The following EGFR variants were observed in gnomAD, a reference collection of about 807,000 sequenced individuals.
The protein encoded by EGFR is epidermal growth factor receptor, also known as avian erythroblastic leukemia viral (v-erb-b) oncogene homolog.
EGFR carries 58 observed loss-of-function variants against 143.0 expected under a neutral mutation model. That is an observed-to-expected ratio of 0.41 (90% CI 0.33 to 0.50). The LOEUF (loss-of-function observed/expected upper bound fraction) is 0.50, where lower values mean the gene tolerates loss of function less well. Among genes scored for constraint, EGFR ranks in the 20% least tolerant of loss-of-function variants. EGFR has a pLI of 0.39. For missense variants in EGFR, 1,307 were observed against 1,579.0 expected (o/e 0.83, Z 2.92); for synonymous variants, 613 against 594.4 (o/e 1.03, Z -0.45).
intron 1 of EGFR, among the ~76,000 whole-genome samples, chr7:55,034,021 T>C (rs1787416818): frequency 6.6e-6 from 1 of 152,158 alleles, no homozygotes; most frequent in Admixed American, 6.5e-5. Context: ...CCATCATCAC[T>C]AAAGCAGACA....
chr7:55,185,628 G>A (rs147958680), intron 20 of EGFR, among the ~76,000 whole-genome samples: 49 of 152,348 alleles, frequency 3.2e-4, no homozygotes, highest in Non-Finnish European at 5.6e-4. Flanking sequence ...ACCTAATGCA[G>A]ATTACAGTCT....
At chr7:55,093,648 C>T (rs1292554865) in intron 1 of EGFR, among the ~76,000 whole-genome samples, 1 of 152,160 alleles carries the variant, frequency 6.6e-6, no homozygotes, top group Non-Finnish European at 1.5e-5. Flanking sequence ...CTGTAAATAA[C>T]AAGGAAGTCA....
At chr7:55,145,791 G>C (rs1276111324) in intron 3 of EGFR, among the ~76,000 whole-genome samples, 2 of 152,212 alleles carry the variant, frequency 1.3e-5, no homozygotes, top group Admixed American at 6.5e-5. Context: ...CACTGTGTCA[G>C]GGTCTCCCTG....
chr7:55,191,479 C>T (rs1216719423), intron 20 of EGFR, among the ~76,000 whole-genome samples: 3 of 152,176 alleles, frequency 2.0e-5, no homozygotes, highest in Non-Finnish European at 2.9e-5. Flanking sequence ...TCCTCATATA[C>T]GAGCACCTCT....
chr7:55,153,797 C>G (rs1329010589), intron 6 of EGFR, among the ~76,000 whole-genome samples: 1 of 152,130 alleles, frequency 6.6e-6, no homozygotes, highest in Non-Finnish European at 1.5e-5. Flanking sequence ...ATAGGTGGGA[C>G]AGTGCACCTA....
chr7:55,098,944 G>A (rs1018722155), intron 1 of EGFR, among the ~76,000 whole-genome samples: 2 of 152,226 alleles, frequency 1.3e-5, no homozygotes, highest in Non-Finnish European at 2.9e-5. Flanking sequence ...TGGGGAGTCA[G>A]ACAGGAGCCT....
chr7:55,192,556 G>C (rs149029361), intron 21 of EGFR, among the ~76,000 whole-genome samples: 29 of 152,330 alleles, frequency 1.9e-4, no homozygotes, highest in Middle Eastern at 3.4e-3. Context: ...GGGACACAGA[G>C]GGTGCTCAGA....
intron 1 of EGFR, among the ~76,000 whole-genome samples, chr7:55,020,175 G>T (rs1274311794): frequency 6.6e-6 from 1 of 152,200 alleles, no homozygotes; most frequent in Non-Finnish European, 1.5e-5. Context: ...CGCTCGCCTC[G>T]CCCGGTGCGC....
rs776953381 is a variant in EGFR at position 55,174,082 on chromosome 7, G to A, written c.2184+39G>A. 3.7e-6 allele frequency: 6 copies of A among 1,613,500 alleles called. No individual in the cohort carries two copies. The African/African-American group carries it at 6.7e-5, about 18-fold the overall frequency. On this transcript the variant is annotated intron_variant, in intron 18 of 27. Transcript: ENST00000275493. ...CACAGGCCTCTGGGCTGGGCCGCAG[G>A]GCCTCTCATGGTCTGGTGGGGAGCC...
rs749441331 is a variant in EGFR at position 55,205,561 on chromosome 7, G to A, written c.3577G>A (p.Glu1193Lys). ...PNGIFKGSTA[E>K]NAEYLRVAPQ... ...TGGCATCTTTAAGGGCTCCACAGCT[G>A]AAAATGCAGAATACCTAAGGGTCGC... The change falls in exon 28 of 28, where the codon GAA (glutamate) becomes AAA (lysine). Residue 1193 changes from glutamate to lysine, a missense_variant. Physicochemically the swap from Glu to Lys is moderately conservative, Grantham distance 56. Around this residue, in one of 7 missense-constraint regions of EGFR, gnomAD observed 313 missense variants for 312.3 expected, o/e 1.00. Coordinates refer to ENST00000275493, the MANE Select transcript of EGFR (RefSeq NM_005228.5). The A allele has an allele frequency of 1.2e-5, 20 of 1,614,048 alleles. No individual in the cohort carries two copies. The highest frequency in any genetic ancestry group is 1.6e-5 in the Non-Finnish European group (19 of 1,180,046).
At chr7:55,023,275 T>C (rs1221543071) in intron 1 of EGFR, among the ~76,000 whole-genome samples, 2 of 152,222 alleles carry the variant, frequency 1.3e-5, no homozygotes, top group Non-Finnish European at 1.5e-5. Context: ...GTTTTACTAA[T>C]AGGGGTATGT....
At chr7:55,067,104 C>T (rs1789551304) in intron 1 of EGFR, among the ~76,000 whole-genome samples, 1 of 152,172 alleles carries the variant, frequency 6.6e-6, no homozygotes, top group African/African-American at 2.4e-5. Flanking sequence ...GCACTGCTGT[C>T]AGGGTGAGGG....
chr7:55,036,657 A>G (rs1385893409), intron 1 of EGFR, among the ~76,000 whole-genome samples: 1 of 152,214 alleles, frequency 6.6e-6, no homozygotes, highest in Non-Finnish European at 1.5e-5. Context: ...CAATGCATCT[A>G]TTCTTTCTTT....
intron 1 of EGFR, among the ~76,000 whole-genome samples, chr7:55,072,101 G>A (rs1363614065): frequency 1.3e-5 from 1 of 76,882 alleles, no homozygotes; most frequent in African/African-American, 4.2e-5. Context: ...TTAGGCCTTG[G>A]AATCCAGCTC....
chr7:55,142,775 T>A (rs904939777), intron 2 of EGFR, among the ~76,000 whole-genome samples: 1 of 152,208 alleles, frequency 6.6e-6, no homozygotes, highest in Admixed American at 6.5e-5. Context: ...GCCTATTCCC[T>A]TAGTGTAAAT....
At chr7:55,148,443 CAA>C (rs1486137709) in intron 4 of EGFR, among the ~76,000 whole-genome samples, 2 of 151,970 alleles carry the variant, frequency 1.3e-5, no homozygotes, top group Non-Finnish European at 2.9e-5. Context: ...TAAAAAGATT[CAA>C]ATACTACAGG....
chr7:55,029,703 C>T (rs536915378), intron 1 of EGFR, among the ~76,000 whole-genome samples: 8 of 152,178 alleles, frequency 5.3e-5, no homozygotes, highest in East Asian at 1.9e-4. Context: ...TCTTAGTACG[C>T]GGCTTAACAT....
At chr7:55,202,782 A>G (rs1245488232) in intron 27 of EGFR, 157 bp downstream of exon 27, 2 of 736,822 alleles carry the variant, frequency 2.7e-6, no homozygotes, top group Non-Finnish European at 4.9e-6. Context: ...TAAGGAGCAG[A>G]TAAACACATG....
At chr7:55,112,149 C>A (rs2128908371) in intron 1 of EGFR, among the ~76,000 whole-genome samples, 1 of 152,360 alleles carries the variant, frequency 6.6e-6, no homozygotes, top group Admixed American at 6.5e-5. Flanking sequence ...CCACTGCAAA[C>A]CGATACCCAG....
Sources: gnomAD v4.1 joint callset for allele counts (sites outside exome capture counted in the v4.1 genomes callset) on GRCh38, gnomAD v4.1.1 for gene constraint, gnomAD v4.1.1 regional missense constraint, MANE v1.5 for transcripts, NCBI Gene and HGNC (gene_info 2026-07-23, HGNC 2026-07-21) for gene names.